TENM1: variants seen among roughly 807,000 people sequenced by gnomAD.
TENM1 encodes teneurin-1.
Under a neutral mutation model 174.8 loss-of-function variants are expected in TENM1, and 35 were observed. The ratio of observed to expected loss-of-function variants is 0.20; its 90% CI spans 0.15 to 0.27. The LOEUF is 0.27. Ranked by LOEUF, TENM1 falls within the 10% of genes least tolerant of loss-of-function variation. TENM1 has a pLI of 1.00. For missense variants in TENM1, 1,633 were observed against 2,130.1 expected (o/e 0.77, Z 4.59); for synonymous variants, 781 against 798.7 (o/e 0.98, Z 0.37).
chrX:124,926,334 G>T (rs1355024297), intron 1 of TENM1, among the ~76,000 whole-genome samples: 1 of 111,489 alleles, frequency 9.0e-6, no homozygotes, highest in Non-Finnish European at 1.9e-5. Context: ...AACAATACCT[G>T]TTGCATAGGA....
the TENM1 span, among the ~76,000 whole-genome samples, chrX:125,115,983 G>C: frequency 4.5e-5 from 5 of 111,485 alleles, no homozygotes; most frequent in Non-Finnish European, 9.4e-5. Context: ...CACGCTACTT[G>C]ATTTCAAACT....
chrX:124,752,801 G>C (rs1327287992), intron 3 of TENM1, among the ~76,000 whole-genome samples: 1 of 110,194 alleles, frequency 9.1e-6, no homozygotes, highest in Non-Finnish European at 1.9e-5. Flanking sequence ...TCAGATAGTT[G>C]TAGATATGCA....
chrX:124,807,272 T>C (rs1269974231), intron 3 of TENM1, among the ~76,000 whole-genome samples: 1 of 111,535 alleles, frequency 9.0e-6, no homozygotes, highest in Non-Finnish European at 1.9e-5. Flanking sequence ...AGGGGACAAA[T>C]ATCCAAATTC....
At chrX:124,958,436 C>T (rs1466153339) in intron 1 of TENM1, among the ~76,000 whole-genome samples, 1 of 111,867 alleles carries the variant, frequency 8.9e-6, no homozygotes, top group African/African-American at 3.2e-5. Context: ...CTGCCCTTTT[C>T]TAATGATAAT....
chrX:124,502,743 A>G (rs1033982433), intron 19 of TENM1, among the ~76,000 whole-genome samples: 1 of 112,156 alleles, frequency 8.9e-6, no homozygotes, highest in Non-Finnish European at 1.9e-5. Context: ...ATACAGCAAT[A>G]GACTCATTCA....
At chrX:124,416,700 A>C (rs1412800299) in intron 25 of TENM1, among the ~76,000 whole-genome samples, 1 of 111,045 alleles carries the variant, frequency 9.0e-6, no homozygotes, top group Non-Finnish European at 1.9e-5. Context: ...ACAGTGGCTC[A>C]CTCTTTCCTC....
chrX:124,906,062 T>G (rs1421363431), intron 1 of TENM1, among the ~76,000 whole-genome samples: 1 of 111,701 alleles, frequency 9.0e-6, no homozygotes, highest in East Asian at 2.8e-4. Context: ...CCTGAAAATA[T>G]TGTAAGTCAA....
chrX:125,041,816 T>G, the TENM1 span, among the ~76,000 whole-genome samples: 1 of 111,383 alleles, frequency 9.0e-6, no homozygotes, highest in Non-Finnish European at 1.9e-5. Flanking sequence ...TACCACTTAA[T>G]AGTACATCTC....
chrX:124,763,414 C>T (rs2054467172), intron 3 of TENM1, among the ~76,000 whole-genome samples: 1 of 111,399 alleles, frequency 9.0e-6, no homozygotes, highest in African/African-American at 3.3e-5. Flanking sequence ...TTTTGTACTG[C>T]TTATTAAGTG....
intron 11 of TENM1, among the ~76,000 whole-genome samples, chrX:124,639,272 T>C (rs2050953509): frequency 8.9e-6 from 1 of 112,035 alleles, no homozygotes; most frequent in African/African-American, 3.2e-5. Context: ...GTCATTTAGA[T>C]TCATAGCTCT....
At chrX:124,383,232 A>C (rs2060180232) in intron 30 of TENM1, among the ~76,000 whole-genome samples, 1 of 111,046 alleles carries the variant, frequency 9.0e-6, no homozygotes, top group Non-Finnish European at 1.9e-5. Context: ...GGTGTGAGCC[A>C]CCGCACCCAG....
the TENM1 span, among the ~76,000 whole-genome samples, chrX:125,179,181 C>G: frequency 1.8e-5 from 2 of 111,360 alleles, no homozygotes; most frequent in Non-Finnish European, 3.8e-5. Flanking sequence ...ATTATTCTAC[C>G]CCCTCCCAGA....
intron 11 of TENM1, among the ~76,000 whole-genome samples, chrX:124,587,610 A>C (rs1406684065): frequency 9.0e-6 from 1 of 111,282 alleles, no homozygotes; most frequent in Non-Finnish European, 1.9e-5. Context: ...AGGCATTACC[A>C]TTCAGGACAT....
chrX:124,905,599 G>GATATGA (rs2057735438), intron 1 of TENM1, among the ~76,000 whole-genome samples: 1 of 111,632 alleles, frequency 9.0e-6, no homozygotes, highest in Non-Finnish European at 1.9e-5. Context: ...AAACAAATTA[G>GATATGA]GTAAACCCTG....
chrX:124,875,080 T>C (rs1408164654), intron 3 of TENM1, among the ~76,000 whole-genome samples: 3 of 111,762 alleles, frequency 2.7e-5, no homozygotes, highest in East Asian at 5.6e-4. Context: ...AATTGATATT[T>C]TGTTATTGAA....
intron 3 of TENM1, among the ~76,000 whole-genome samples, chrX:124,756,993 G>A (rs772858675): frequency 9.9e-5 from 11 of 111,072 alleles, no homozygotes; most frequent in Admixed American, 4.7e-4. Context: ...CTCCAGCTGC[G>A]TGCTGGGAGA....
At chrX:124,620,959 C>A (rs745726751) in intron 11 of TENM1, among the ~76,000 whole-genome samples, 1 of 111,759 alleles carries the variant, frequency 8.9e-6, no homozygotes, top group African/African-American at 3.2e-5. Flanking sequence ...CTTGTCATTC[C>A]ATTTAACAAG....
intron 6 of TENM1, among the ~76,000 whole-genome samples, chrX:124,667,586 T>C (rs1461132184): frequency 1.0e-5 from 1 of 100,237 alleles, no homozygotes; most frequent in Non-Finnish European, 2.0e-5. Context: ...TGAGACTCCA[T>C]CTCAAAAAAA....
At chrX:124,645,570 G>A (rs2051136867) in intron 9 of TENM1, among the ~76,000 whole-genome samples, 1 of 111,755 alleles carries the variant, frequency 8.9e-6, no homozygotes, top group African/African-American at 3.2e-5. Context: ...ACTTGCATTT[G>A]ATCTCACCCT....
Sources: allele counts gnomAD v4.1 joint callset (sites outside exome capture counted in the v4.1 genomes callset), GRCh38; gene constraint gnomAD v4.1.1; transcripts MANE v1.5; gene names NCBI Gene and HGNC (gene_info 2026-07-23, HGNC 2026-07-21).